The following ZNF426 variants were observed in gnomAD, a reference collection of about 807,000 sequenced individuals.
ZNF426 encodes the protein zinc finger protein 426.
A neutral mutation model predicts 24.0 loss-of-function variants in ZNF426; 23 were observed. The ratio of observed to expected loss-of-function variants is 0.96; its 90% CI spans 0.69 to 1.36. The LOEUF is 1.36. Among genes scored for constraint, ZNF426 ranks in the 40% most tolerant of loss-of-function variants. The pLI is 0.00. For missense variants in ZNF426, 646 were observed against 658.4 expected (o/e 0.98, Z 0.21); for synonymous variants, 272 against 224.6 (o/e 1.21, Z -1.89).
chr19:9,533,449 G>A (rs1436488129), intron 5 of ZNF426, among the ~76,000 whole-genome samples: 2 of 152,154 alleles, frequency 1.3e-5, no homozygotes, highest in Non-Finnish European at 1.5e-5. Context: ...GAGTGAAACT[G>A]TCTCAAAACA....
At chr19:9,537,303 A>T (rs2073981318) in intron 2 of ZNF426, among the ~76,000 whole-genome samples, 1 of 152,034 alleles carries the variant, frequency 6.6e-6, no homozygotes, top group African/African-American at 2.4e-5. Flanking sequence ...TTCTACCAAT[A>T]AGACTAAAAC....
At chr19:9,535,907 A>G (rs1326127283) in intron 3 of ZNF426, among the ~76,000 whole-genome samples, 1 of 152,114 alleles carries the variant, frequency 6.6e-6, no homozygotes, top group Non-Finnish European at 1.5e-5. Flanking sequence ...GAGCAGTCCT[A>G]AACGTGATGA....
chr19:9,528,718 T>C lies in ZNF426; in HGVS notation c.1327A>G (p.Ser443Gly). The change falls in exon 8 of 8, where the codon AGT becomes GGT. Residue 443 changes from serine to glycine, a missense_variant. Coordinates refer to ENST00000253115, the MANE Select transcript of ZNF426 (RefSeq NM_024106.3). ...SCLNNHMRTHSAQKPYTCKEC... is the reference protein window; with the variant it reads ...SCLNNHMRTHGAQKPYTCKEC... ...TTACAGGTGTATGGTTTCTGGGCAC[T>C]GTGCGTTCGCATGTGATTATTAAGA... is the stretch of plus-strand genomic sequence containing the variant. 1 of 1,614,176 alleles carries C rather than the reference T, an allele frequency of 6.2e-7. No individual in the cohort carries two copies. The highest frequency in any genetic ancestry group is 8.5e-7 in the Non-Finnish European group (1 of 1,180,020).
In ZNF426 at chr19:9,528,692, C is replaced by G; in HGVS notation, c.1353G>C (p.Lys451Asn). 1.2e-6 allele frequency: 2 copies of G among 1,614,168 alleles called. No homozygotes were observed. Among genetic ancestry groups the G allele is most frequent in the Non-Finnish European group, 1.7e-6 (2 of 1,180,028 alleles). The change falls in exon 8 of 8, where the codon AAG becomes AAC. Residue 451 changes from lysine (K) to asparagine (N), a missense_variant. Physicochemically the swap from Lys to Asn is moderately conservative, Grantham distance 94 (BLOSUM62 0). Coordinates refer to ENST00000253115, the MANE Select transcript of ZNF426 (RefSeq NM_024106.3). ...THSAQKPYTC[K>N]ECGKAFNYST... ...AATAGTTAAAAGCCTTCCCACATTC[C>G]TTACAGGTGTATGGTTTCTGGGCAC...
intron 6 of ZNF426, 99 bp downstream of exon 6, chr19:9,532,746 A>C: frequency 6.0e-6 from 5 of 833,238 alleles, no homozygotes; most frequent in Non-Finnish European, 9.9e-6. Context: ...CTTGGGGTTT[A>C]GAGTGCAGGG....
chr19:9,535,093 AAAAG>A lies in ZNF426; in HGVS notation c.117+91_117+94del, dbSNP rs1470774007. 2.7e-5 allele frequency: 26 copies of A among 972,728 alleles called. No homozygotes were observed. In the African/African-American group the frequency reaches 4.2e-4, roughly 16 times the overall value. 60.3% of individuals were successfully genotyped at this position (972,728 alleles called of 1,614,324 possible). The stretch of plus-strand genomic sequence containing the variant: ...ACTCCCTCTCAAAAAAAAAAAAAAA[AAAAG>A]AAGTCTGGAGACAACTCTGCCTAGA... On this transcript the variant is annotated intron_variant, in intron 4 of 7. Transcript: ENST00000253115.
intron 2 of ZNF426, among the ~76,000 whole-genome samples, chr19:9,537,986 T>C (rs900753533): frequency 6.6e-6 from 1 of 152,162 alleles, no homozygotes; most frequent in Admixed American, 6.5e-5. Context: ...TCTCTTGGGA[T>C]GTACAGGCCT....
At position 9,527,399 on chromosome 19, in the gene ZNF426, T is replaced by C. The variant is rs1359580888; in HGVS notation, c.*981A>G. On this transcript the variant is annotated 3_prime_UTR_variant, in exon 8 of 8. Coordinates refer to ENST00000253115, the MANE Select transcript of ZNF426 (RefSeq NM_024106.3). ...GTATGGTGTATGGGGTCACATTCCT[T>C]GCGTTCACAGTAAAAGAAACTTTCT... 2 of 152,250 alleles carry C rather than the reference T, an allele frequency of 1.3e-5. No homozygotes were observed. The highest frequency in any genetic ancestry group is 2.9e-5 in the Non-Finnish European group (2 of 68,050). The allele number at this position is 152,250 out of a possible 1,614,324, so 9.4% of individuals were successfully genotyped here.
In ZNF426 at chr19:9,529,071, A is replaced by G. The variant is rs766564551; in HGVS notation, c.974T>C (p.Ile325Thr). 23 of 1,613,488 alleles carry G rather than the reference A, an allele frequency of 1.4e-5. No homozygotes were observed. Among genetic ancestry groups the G allele is most frequent in the Non-Finnish European group, 1.8e-5 (21 of 1,179,782 alleles). Residue 325 changes from isoleucine (I) to threonine (T), a missense_variant, in exon 8 of 8, where the codon ATA (isoleucine) becomes ACA (threonine). Physicochemically the swap from Ile to Thr is moderately conservative, Grantham distance 89. Transcript: ENST00000253115. ...KAFNYSNSFQ[I>T]HGRTHTGEKP... Reference sequence around the variant, plus strand: ...CTCTCCAGTGTGAGTTCTTCCATGTATCTGAAATGAGTTGGAATAATTGAA... The same window carrying G: ...CTCTCCAGTGTGAGTTCTTCCATGTGTCTGAAATGAGTTGGAATAATTGAA...
At chr19:9,533,009 T>A in intron 5 of ZNF426, 84 bp from the exon 6 acceptor site, 2 of 1,146,534 alleles carry the variant, frequency 1.7e-6, no homozygotes, top group Non-Finnish European at 2.6e-6. Context: ...ACAGATCTAA[T>A]GAAAGTGGTG....
rs552538000 is a variant in ZNF426 at position 9,534,213 on chromosome 19, C to CT, written c.118-248dup. On this transcript the variant is annotated intron_variant, in intron 4 of 7. Transcript: ENST00000253115. Reference sequence around the variant, plus strand: ...TCAGCACAACCAGACTAGGAGATCTCTTTTTTTTTTGAAATGGACTCTTAC... The same window carrying CT: ...TCAGCACAACCAGACTAGGAGATCTCTTTTTTTTTTTGAAATGGACTCTTAC... Among the ~76,000 whole-genome samples, 72 of 149,534 alleles carry CT rather than the reference C, an allele frequency of 4.8e-4. 1 individual carries two copies. In the South Asian group the frequency reaches 0.013, roughly 26 times the overall value.
chr19:9,531,963 C>T lies in ZNF426; in HGVS notation c.325+882G>A, dbSNP rs139722754. ...TTGCACCATTGCACTCCAGCCTGGGCGACAGAGCAAGACTCCATCTCAAAA... is the reference window on the plus strand; with the variant it reads ...TTGCACCATTGCACTCCAGCCTGGGTGACAGAGCAAGACTCCATCTCAAAA... On this transcript the variant is annotated intron_variant, in intron 6 of 7. Transcript: ENST00000253115. 1.2e-3 allele frequency among the ~76,000 whole-genome samples: 177 copies of T among 152,146 alleles called. 2 individuals carry two copies. In the East Asian group the frequency reaches 0.018, roughly 15 times the overall value.
chr19:9,528,394 C>A lies in ZNF426; in HGVS notation c.1651G>T (p.Glu551Ter). Residue 551 changes from glutamate (E) to a stop codon, truncating the protein, a stop_gained, in exon 8 of 8, where the codon GAA becomes TAA. Transcript: ENST00000253115. LOFTEE classifies it low-confidence loss of function (END_TRUNC). ...ACAGTTTCTCACTAGTGAATTTGTTCATGTCTTCGAAGTGAACGGGGATGA... is the reference window on the plus strand; with the variant it reads ...ACAGTTTCTCACTAGTGAATTTGTTAATGTCTTCGAAGTGAACGGGGATGA... ...YSHPRSLRRHEQIH is the reference protein window; with the variant it reads ...YSHPRSLRRH 6.3e-7 allele frequency: 1 copy of A among 1,577,022 alleles called. No individual in the cohort carries two copies. The highest frequency in any genetic ancestry group is 1.2e-5 in the South Asian group (1 of 84,766).
Position 9,529,512 on chromosome 19 carries a change from T to C in ZNF426, c.533A>G (p.Gln178Arg), listed in dbSNP as rs2073849968. The change falls in exon 8 of 8, where the codon CAG (glutamine) becomes CGG (arginine). Residue 178 changes from glutamine (Q) to arginine (R), a missense_variant. Coordinates refer to ENST00000253115, the MANE Select transcript of ZNF426 (RefSeq NM_024106.3). Reference protein sequence around the residue: ...QSTGNTHDCNQYGKDFLTLCE... With the variant: ...QSTGNTHDCNRYGKDFLTLCE... ...CAGGGTAAGGAAATCTTTTCCATAC[T>C]GATTACAGTCATGAGTGTTCCCTGT... is the stretch of plus-strand genomic sequence containing the variant. 2 of 1,613,394 alleles carry C rather than the reference T, an allele frequency of 1.2e-6. No homozygotes were observed. The highest frequency in any genetic ancestry group is 1.7e-6 in the Non-Finnish European group (2 of 1,180,032).
At chr19:9,530,645 C>T (rs1234477544) in intron 7 of ZNF426, among the ~76,000 whole-genome samples, 3 of 150,896 alleles carry the variant, frequency 2.0e-5, no homozygotes, top group Admixed American at 2.0e-4. Flanking sequence ...GCCTGTAGTC[C>T]CAGCTACCAA....
chr19:9,529,407 A>G lies in ZNF426; in HGVS notation c.638T>C (p.Val213Ala), dbSNP rs2073847332. ...EKIFSLTPNI[V>A]YQRTSTQEKS... Reference sequence around the variant, plus strand: ...TTCTTGTGTGCTAGTTCTCTGGTATACAATATTTGGTGTCAGGCTGAAGAT... The same window carrying G: ...TTCTTGTGTGCTAGTTCTCTGGTATGCAATATTTGGTGTCAGGCTGAAGAT... Residue 213 changes from valine (V) to alanine (A), a missense_variant, in exon 8 of 8, where the codon GTA becomes GCA. By Grantham distance (64) the Val-to-Ala change is moderately conservative. Coordinates refer to ENST00000253115, the MANE Select transcript of ZNF426 (RefSeq NM_024106.3). The G allele has an allele frequency of 1.2e-6, 2 of 1,613,730 alleles. No individual in the cohort carries two copies. Among genetic ancestry groups the G allele is most frequent in the Non-Finnish European group, 1.7e-6 (2 of 1,179,962 alleles).
intron 7 of ZNF426, 142 bp downstream of exon 7, chr19:9,530,843 T>C (rs748308500): frequency 9.4e-6 from 6 of 636,502 alleles, no homozygotes; most frequent in East Asian, 2.8e-5. Context: ...AGTTTCACAA[T>C]TGGAGCATCC....
At position 9,528,907 on chromosome 19, in the gene ZNF426, T is replaced by A; in HGVS notation, c.1138A>T (p.Ile380Phe). 2 of 1,614,050 alleles carry A rather than the reference T, an allele frequency of 1.2e-6. No individual in the cohort carries two copies. The highest frequency in any genetic ancestry group is 2.2e-5 in the South Asian group (2 of 91,070). ...GKSFLTSSRLIQHIRTHTGEK... is the reference protein window; with the variant it reads ...GKSFLTSSRLFQHIRTHTGEK... ...CCAGTGTGAGTTCTTATATGTTGAA[T>A]AAGGCGTGAGGATGTAAGGAAGGAT... Residue 380 changes from isoleucine (I) to phenylalanine (F), a missense_variant, in exon 8 of 8, where the codon ATT becomes TTT. Physicochemically the swap from Ile to Phe is conservative, Grantham distance 21. Coordinates refer to ENST00000253115, the MANE Select transcript of ZNF426 (RefSeq NM_024106.3).
chr19:9,530,193 T>C (rs1261350426), intron 7 of ZNF426, among the ~76,000 whole-genome samples: 1 of 152,004 alleles, frequency 6.6e-6, no homozygotes, highest in Non-Finnish European at 1.5e-5. Context: ...TAGCTCACAT[T>C]TGTAATCCCA....
Sources: allele counts gnomAD v4.1 joint callset (sites outside exome capture counted in the v4.1 genomes callset), GRCh38; gene constraint gnomAD v4.1.1; transcripts MANE v1.5; gene names NCBI Gene and HGNC (gene_info 2026-07-23, HGNC 2026-07-21).